MYT1L: variants seen among roughly 807,000 people sequenced by gnomAD.
MYT1L encodes the protein myelin transcription factor 1 like, also known as myelin transcription factor 1-like protein.
In MYT1L, 12 loss-of-function variants were observed where a neutral mutation model predicts 126.7. The observed-to-expected ratio is 0.09, with a 90% CI of 0.06 to 0.15. The LOEUF is 0.15. Ranked by LOEUF, MYT1L falls within the 10% of genes least tolerant of loss-of-function variation. The pLI is 1.00. For missense variants in MYT1L, 979 were observed against 1,585.2 expected (o/e 0.62, Z 6.49); for synonymous variants, 541 against 604.2 (o/e 0.90, Z 1.53).
intron 5 of MYT1L, among the ~76,000 whole-genome samples, chr2:1,994,584 GCT>G (rs2061688302): frequency 1.3e-5 from 2 of 152,294 alleles, no homozygotes; most frequent in South Asian, 4.1e-4. Context: ...AGTGAAAAAA[GCT>G]CTCTTTGATA....
intron 2 of MYT1L, among the ~76,000 whole-genome samples, chr2:2,248,823 C>T (rs60857716): frequency 0.026 from 3,991 of 152,172 alleles, 156 homozygotes; most frequent in African/African-American, 0.091. Flanking sequence ...AGTTCAACAT[C>T]GCTTTATGAT....
chr2:1,878,054 G>A (rs971826560), intron 18 of MYT1L, among the ~76,000 whole-genome samples: 2 of 152,232 alleles, frequency 1.3e-5, no homozygotes, highest in Non-Finnish European at 2.9e-5. Flanking sequence ...GAGGTGGCCT[G>A]TGGCCCTCTC....
chr2:2,263,195 G>T (rs2095032901), intron 2 of MYT1L, among the ~76,000 whole-genome samples: 1 of 151,426 alleles, frequency 6.6e-6, no homozygotes, highest in African/African-American at 2.4e-5. Context: ...AATTGATTAG[G>T]ATTCCCATAA....
At chr2:1,883,430 T>G (rs1304479208) in intron 18 of MYT1L, among the ~76,000 whole-genome samples, 1 of 152,186 alleles carries the variant, frequency 6.6e-6, no homozygotes, top group African/African-American at 2.4e-5. Flanking sequence ...CCAGCTCTGA[T>G]AGGTTTTGCA....
intron 14 of MYT1L, among the ~76,000 whole-genome samples, chr2:1,899,163 T>C (rs969790380): frequency 1.3e-5 from 2 of 152,168 alleles, no homozygotes; most frequent in African/African-American, 4.8e-5. Flanking sequence ...TTGGCAACTT[T>C]TTCTGGAGAG....
rs191336363 is a variant in MYT1L, at chr2:1,910,648, G to A, written c.1710-301C>T. Among the ~76,000 whole-genome samples the A allele has an allele frequency of 2.0e-5, 3 of 152,260 alleles. No homozygotes were observed. In the East Asian group the frequency reaches 5.8e-4, roughly 29 times the overall value. ...CCATGCATTCGGGAGGACATAGCTG[G>A]TGAAAACTGTAGACAGATTCCATTT... is the stretch of plus-strand genomic sequence containing the variant. On this transcript the variant is annotated intron_variant, in intron 12 of 24. Coordinates refer to ENST00000647738, the MANE Select transcript of MYT1L (RefSeq NM_001303052.2). This position sits in a 1 kb window ranked among gnomAD's most constrained non-coding sequence, Gnocchi z 4.8.
At chr2:1,895,672 A>G (rs1224038688) in intron 14 of MYT1L, among the ~76,000 whole-genome samples, 7 of 152,246 alleles carry the variant, frequency 4.6e-5, no homozygotes, top group African/African-American at 1.7e-4. Flanking sequence ...TACTTTTGCC[A>G]TATACAAAAA....
At chr2:1,955,423 A>T (rs1048873446) in intron 8 of MYT1L, among the ~76,000 whole-genome samples, 3 of 152,284 alleles carry the variant, frequency 2.0e-5, no homozygotes, top group Admixed American at 1.3e-4. Context: ...ATCACATATA[A>T]ATATATTATA....
intron 21 of MYT1L, among the ~76,000 whole-genome samples, chr2:1,823,713 G>C (rs2038899253): frequency 6.6e-6 from 1 of 152,078 alleles, no homozygotes; most frequent in African/African-American, 2.4e-5. Flanking sequence ...CAGCCCTGCA[G>C]GTGGGTCAGG....
chr2:1,978,495 T>G (rs1189597460), intron 8 of MYT1L, among the ~76,000 whole-genome samples: 1 of 152,192 alleles, frequency 6.6e-6, no homozygotes, highest in African/African-American at 2.4e-5. Flanking sequence ...GCCACGGGCA[T>G]GTAACATATA....
chr2:2,274,629 A>G (rs2095323977), intron 2 of MYT1L, among the ~76,000 whole-genome samples: 1 of 152,252 alleles, frequency 6.6e-6, no homozygotes, highest in African/African-American at 2.4e-5. Flanking sequence ...AAGAAGGTAT[A>G]GTGTACTTAA....
intron 3 of MYT1L, among the ~76,000 whole-genome samples, chr2:2,134,707 T>G (rs2082817731): frequency 6.6e-6 from 1 of 152,162 alleles, no homozygotes; most frequent in Non-Finnish European, 1.5e-5. Context: ...TGCCAGCACT[T>G]TGATCCTGGA....
intron 5 of MYT1L, among the ~76,000 whole-genome samples, chr2:1,994,471 C>T (rs1329703646): frequency 5.3e-5 from 8 of 152,166 alleles, no homozygotes; most frequent in Non-Finnish European, 8.8e-5. Context: ...CATCTGACTC[C>T]ACTGACTCCA....
At chr2:2,201,676 C>T (rs1276560959) in intron 2 of MYT1L, among the ~76,000 whole-genome samples, 4 of 146,684 alleles carry the variant, frequency 2.7e-5, no homozygotes, top group Non-Finnish European at 5.9e-5. Context: ...CCAGCCTGGG[C>T]AACAGAGTGA....
At chr2:2,216,981 A>G (rs2093694558) in intron 2 of MYT1L, among the ~76,000 whole-genome samples, 1 of 152,238 alleles carries the variant, frequency 6.6e-6, no homozygotes, top group African/African-American at 2.4e-5. Context: ...CTCAATAAGA[A>G]ATAGGTATCT....
rs899056736 is a variant in MYT1L, at chr2:1,887,816, C to A, written c.2521-207G>T. Among the ~76,000 whole-genome samples, 9 of 152,180 alleles carry A rather than the reference C, an allele frequency of 5.9e-5. No individual in the cohort carries two copies. The highest frequency in any genetic ancestry group is 2.2e-4 in the African/African-American group (9 of 41,442). On this transcript the variant is annotated intron_variant, in intron 16 of 24. Coordinates refer to ENST00000647738, the MANE Select transcript of MYT1L (RefSeq NM_001303052.2). The surrounding 1 kb of genome is among the most constrained non-coding windows in gnomAD (Gnocchi z 4.8). ...CTCTAAACTCCTAAAATGATGGTCA[C>A]CTGTCAGTGGTCAGGGCCCTTATTC...
At chr2:2,306,822 C>T (rs1363761876) in intron 1 of MYT1L, among the ~76,000 whole-genome samples, 6 of 152,154 alleles carry the variant, frequency 3.9e-5, no homozygotes, top group Non-Finnish European at 8.8e-5. Context: ...TAGGAATATA[C>T]ATCTATGAAG....
rs1409256697 is a variant in MYT1L at position 1,801,251 on chromosome 2, C to T, written c.3276+445G>A. On this transcript the variant is annotated intron_variant, in intron 23 of 24. Transcript: ENST00000647738. The surrounding 1 kb of genome is among the most constrained non-coding windows in gnomAD (Gnocchi z 4.2). ...ATCCCCAGGCTCTGCAGCTGCAAGTCACTGGGGCCACTTCCCCAAATCCCA... is the reference window on the plus strand; with the variant it reads ...ATCCCCAGGCTCTGCAGCTGCAAGTTACTGGGGCCACTTCCCCAAATCCCA... 6.4e-6 allele frequency: 1 copy of T among 155,444 alleles called. No individual in the cohort carries two copies. Among genetic ancestry groups the T allele is most frequent in the African/African-American group, 2.4e-5 (1 of 41,500 alleles). The allele number at this position is 155,444 out of a possible 1,614,324, so 9.6% of individuals were successfully genotyped here. A position where few individuals can be genotyped will look rare whatever the true frequency, so the allele number is the denominator to read the frequency against.
In MYT1L at chr2:1,793,046, T is replaced by G. The variant is rs1438688486; in HGVS notation, c.3277-582A>C. ...GATGGGACTGCAGTGTGTAGGGGGC[T>G]TGATGCGAATACTTCTCCTTTCTAG... On this transcript the variant is annotated intron_variant, in intron 23 of 24. Transcript: ENST00000647738. The surrounding 1 kb of genome is among the most constrained non-coding windows in gnomAD (Gnocchi z 4.6). Among the ~76,000 whole-genome samples the G allele has an allele frequency of 6.6e-6, 1 of 152,050 alleles. No individual in the cohort carries two copies. The highest frequency in any genetic ancestry group is 1.5e-5 in the Non-Finnish European group (1 of 68,008).
Sources: gnomAD v4.1 joint callset for allele counts (sites outside exome capture counted in the v4.1 genomes callset) on GRCh38, gnomAD v4.1.1 for gene constraint, Gnocchi (gnomAD v3.1) non-coding constraint, MANE v1.5 for transcripts, NCBI Gene and HGNC (gene_info 2026-07-23, HGNC 2026-07-21) for gene names.